The following C3orf70 variants were observed in gnomAD, a reference collection of about 807,000 sequenced individuals.
C3orf70 encodes the protein chromosome 3 open reading frame 70, also known as UPF0524 protein C3orf70.
In C3orf70, 15 loss-of-function variants were observed where a neutral mutation model predicts 20.7. The ratio of observed to expected loss-of-function variants is 0.72; its 90% CI spans 0.48 to 1.11. The LOEUF is 1.11. C3orf70 is among the 50% of genes most tolerant of loss of function. The probability of loss-of-function intolerance (pLI) is 0.00; values close to 1 mark genes in which losing one functional copy is unlikely to be tolerated. For synonymous variants in C3orf70, 161 were observed against 125.7 expected (o/e 1.28, Z -1.88); for missense variants, 332 against 317.6 (o/e 1.05, Z -0.34).
rs542737692 is a variant in C3orf70 at position 185,102,322 on chromosome 3, CA to C, written c.197-18760del. ...AACACAATCCCATTCACAATTGACA[CA>C]AAAAATTAACCAGGAATATAGCTAA... On this transcript the variant is annotated intron_variant, in intron 1 of 1. Transcript: ENST00000335012. Among the ~76,000 whole-genome samples, 73 of 152,194 alleles carry C rather than the reference CA, an allele frequency of 4.8e-4. No individual in the cohort carries two copies. In the South Asian group the frequency reaches 7.1e-3, roughly 15 times the overall value.
intron 1 of C3orf70, among the ~76,000 whole-genome samples, chr3:185,121,712 A>C (rs953942460): frequency 1.3e-5 from 2 of 152,212 alleles, no homozygotes; most frequent in Non-Finnish European, 2.9e-5. Flanking sequence ...ACAATCAAAG[A>C]AAGCCATGAT....
intron 1 of C3orf70, among the ~76,000 whole-genome samples, chr3:185,138,775 C>CA (rs1244116405): frequency 6.6e-6 from 1 of 152,062 alleles, no homozygotes; most frequent in Non-Finnish European, 1.5e-5. Context: ...AGAACATCTA[C>CA]AAAAAATCTA....
chr3:185,104,641 A>G (rs1715888817), intron 1 of C3orf70, among the ~76,000 whole-genome samples: 1 of 151,872 alleles, frequency 6.6e-6, no homozygotes, highest in Non-Finnish European at 1.5e-5. Context: ...AAAACTATGC[A>G]GCCATAAAAA....
intron 1 of C3orf70, among the ~76,000 whole-genome samples, chr3:185,143,814 A>G (rs115625203): frequency 5.9e-5 from 9 of 152,324 alleles, no homozygotes; most frequent in Non-Finnish European, 1.2e-4. Flanking sequence ...GATGAGCTCT[A>G]TAATACTTGA....
chr3:185,148,173 A>G (rs1241487680), intron 1 of C3orf70, among the ~76,000 whole-genome samples: 1 of 152,190 alleles, frequency 6.6e-6, no homozygotes, highest in Non-Finnish European at 1.5e-5. Flanking sequence ...TCACAGCTAC[A>G]ACTGCAACCT....
At chr3:185,151,659 T>C (rs1317881791) in intron 1 of C3orf70, among the ~76,000 whole-genome samples, 10 of 151,232 alleles carry the variant, frequency 6.6e-5, no homozygotes, top group Non-Finnish European at 1.5e-4. Context: ...TTCCTGGTTG[T>C]CAGCTATTTT....
chr3:185,152,538 G>T, intron 1 of C3orf70, 90 bp downstream of exon 1: 4 of 1,212,384 alleles, frequency 3.3e-6, no homozygotes, highest in Non-Finnish European at 4.4e-6. Context: ...CCGGAGCCCC[G>T]CGGCCGCAGA....
At chr3:185,085,924 C>CT (rs1026124320) in intron 1 of C3orf70, among the ~76,000 whole-genome samples, 1 of 152,174 alleles carries the variant, frequency 6.6e-6, no homozygotes, top group East Asian at 1.9e-4. Flanking sequence ...AAGGTTTCGT[C>CT]TTTTTCATTC....
chr3:185,099,419 T>G (rs1261357109), intron 1 of C3orf70, among the ~76,000 whole-genome samples: 1 of 152,188 alleles, frequency 6.6e-6, no homozygotes, highest in East Asian at 1.9e-4. Flanking sequence ...GGCCAATATT[T>G]AACATTCTTA....
chr3:185,132,706 T>C (rs528471864), intron 1 of C3orf70, among the ~76,000 whole-genome samples: 4 of 152,296 alleles, frequency 2.6e-5, no homozygotes, highest in Admixed American at 6.5e-5. Context: ...AGGACAGTAT[T>C]TGAAGAGCAG....
chr3:185,088,455 T>C (rs1342086101), intron 1 of C3orf70, among the ~76,000 whole-genome samples: 1 of 152,220 alleles, frequency 6.6e-6, no homozygotes, highest in Non-Finnish European at 1.5e-5. Flanking sequence ...TGCAACTTAA[T>C]TGCCATTGGG....
At position 185,144,661 on chromosome 3, in the gene C3orf70, T is replaced by A. The variant is rs373474898; in HGVS notation, c.196+7967A>T. Among the ~76,000 whole-genome samples the A allele has an allele frequency of 2.6e-3, 391 of 152,148 alleles. 2 individuals carry two copies. The highest frequency in any genetic ancestry group is 9.1e-3 in the African/African-American group (376 of 41,524). ...TAATTTTTGTATTTTCAGTAGAGACTGGGTTTTGCCATGTTGGCCAGGCTG... is the reference window on the plus strand; with the variant it reads ...TAATTTTTGTATTTTCAGTAGAGACAGGGTTTTGCCATGTTGGCCAGGCTG... On this transcript the variant is annotated intron_variant, in intron 1 of 1. Transcript: ENST00000335012.
At chr3:185,096,273 T>C (rs1715703148) in intron 1 of C3orf70, among the ~76,000 whole-genome samples, 1 of 152,174 alleles carries the variant, frequency 6.6e-6, no homozygotes, top group African/African-American at 2.4e-5. Context: ...TACAGGTAAC[T>C]AGTGTGTCTA....
rs1230349097 is a variant in C3orf70 at position 185,078,378 on chromosome 3, CAT to C, written c.*4627_*4628del. ...TTCAACCTTAATCGAAAAAAGAAGTCATAGCACTAACTGAAACATGGCCTTTT... is the reference window on the plus strand; with the variant it reads ...TTCAACCTTAATCGAAAAAAGAAGTCAGCACTAACTGAAACATGGCCTTTT... On this transcript the variant is annotated 3_prime_UTR_variant, in exon 2 of 2. Transcript: ENST00000335012. The C allele has an allele frequency of 2.0e-5, 3 of 152,320 alleles. No homozygotes were observed. The highest frequency in any genetic ancestry group is 4.4e-5 in the Non-Finnish European group (3 of 68,042). 9.4% of individuals were successfully genotyped at this position (152,320 alleles called of 1,614,324 possible). A position where few individuals can be genotyped will look rare whatever the true frequency, so the allele number is the denominator to read the frequency against.
intron 1 of C3orf70, among the ~76,000 whole-genome samples, chr3:185,146,443 A>G (rs1238870700): frequency 6.6e-6 from 1 of 151,860 alleles, no homozygotes; most frequent in Non-Finnish European, 1.5e-5. Context: ...ATGTGCCACC[A>G]CACCCAGCTA....
chr3:185,121,358 T>TAA (rs59087246), intron 1 of C3orf70, among the ~76,000 whole-genome samples: 1 of 119,696 alleles, frequency 8.4e-6, no homozygotes, highest in African/African-American at 2.9e-5. Flanking sequence ...CTATGGAAAT[T>TAA]AAAAAAAAAA....
intron 1 of C3orf70, among the ~76,000 whole-genome samples, chr3:185,139,615 T>C (rs1487984222): frequency 2.7e-5 from 4 of 150,130 alleles, no homozygotes; most frequent in African/African-American, 9.8e-5. Flanking sequence ...GTAGGCAAGA[T>C]TGTATGGTAC....
chr3:185,110,744 A>G (rs555435876), intron 1 of C3orf70, among the ~76,000 whole-genome samples: 1 of 152,394 alleles, frequency 6.6e-6, no homozygotes, highest in South Asian at 2.1e-4. Context: ...AAACAATAGC[A>G]TGAGCGATCT....
chr3:185,110,547 G>GCCC (rs543519113), intron 1 of C3orf70, among the ~76,000 whole-genome samples: 2,235 of 150,982 alleles, frequency 0.015, 59 homozygotes, highest in African/African-American at 0.051. Flanking sequence ...TTAGGAGCAG[G>GCCC]CCCCCCCTCA....
Sources: gnomAD v4.1 joint callset for allele counts (sites outside exome capture counted in the v4.1 genomes callset) on GRCh38, gnomAD v4.1.1 for gene constraint, MANE v1.5 for transcripts, NCBI Gene and HGNC (gene_info 2026-07-23, HGNC 2026-07-21) for gene names.